Variants in MCUB observed in about 807,000 individuals in gnomAD.
The protein encoded by MCUB is calcium uniporter regulatory subunit MCUb, mitochondrial.
A neutral mutation model predicts 41.4 loss-of-function variants in MCUB; 46 were observed. The ratio of observed to expected loss-of-function variants is 1.11; its 90% CI spans 0.88 to 1.42. MCUB has a LOEUF of 1.42. Ranked by LOEUF, MCUB falls within the 40% of genes most tolerant of loss-of-function variation. MCUB has a pLI of 0.00. For missense variants in MCUB, 403 were observed against 404.9 expected (o/e 1.00, Z 0.04); for synonymous variants, 148 against 148.2 (o/e 1.00, Z 0.01).
intron 1 of MCUB, among the ~76,000 whole-genome samples, chr4:109,654,161 G>T: frequency 6.6e-6 from 1 of 151,080 alleles, no homozygotes. Flanking sequence ...TTCAAATTTT[G>T]GATTACAGAT....
intron 3 of MCUB, among the ~76,000 whole-genome samples, chr4:109,660,844 A>T (rs1024617392): frequency 6.6e-6 from 1 of 152,064 alleles, no homozygotes; most frequent in Non-Finnish European, 1.5e-5. Context: ...AAAAAAAAAA[A>T]TTTAACTTCA....
intron 1 of MCUB, among the ~76,000 whole-genome samples, chr4:109,581,797 A>G (rs1197906510): frequency 1.3e-5 from 2 of 152,380 alleles, no homozygotes; most frequent in East Asian, 1.9e-4. Context: ...ATCACTGGCC[A>G]TCAGAGAAAT....
chr4:109,629,439 CATCA>C (rs1728427779), intron 1 of MCUB, among the ~76,000 whole-genome samples: 2 of 152,142 alleles, frequency 1.3e-5, no homozygotes, highest in South Asian at 4.1e-4. Flanking sequence ...CACCACCAGC[CATCA>C]ATCAGTTAAT....
chr4:109,594,472 A>G (rs1236297961), intron 1 of MCUB, among the ~76,000 whole-genome samples: 1 of 152,176 alleles, frequency 6.6e-6, no homozygotes, highest in African/African-American at 2.4e-5. Context: ...CCTGGCCAAT[A>G]TGGTGAAACC....
At chr4:109,597,594 C>T (rs1421671717) in intron 1 of MCUB, among the ~76,000 whole-genome samples, 12 of 133,724 alleles carry the variant, frequency 9.0e-5, no homozygotes, top group South Asian at 4.8e-4. Flanking sequence ...CGGGCAGAGG[C>T]GCCCCTCACC....
rs149127194 is a variant in MCUB, at chr4:109,660,301, T to G, written c.282T>G (p.Gly94=). The G allele has an allele frequency of 7.6e-5, 122 of 1,608,446 alleles. No individual in the cohort carries two copies. The African/African-American group carries it at 1.3e-3, about 17-fold the overall frequency. Residue 94 remains glycine (G), a synonymous_variant, in exon 3 of 8, where the codon GGT becomes GGG. Coordinates refer to ENST00000394650, the MANE Select transcript of MCUB (RefSeq NM_017918.5). ...TCAAACCAATGTTGTCAACAGTTGG[T>G]TCATTCCTTCAGGACCTACAAAATG... ...FVVKPMLSTV[G]SFLQDLQNED...
chr4:109,597,404 CGGGG>C (rs1727588034), intron 1 of MCUB, among the ~76,000 whole-genome samples: 1 of 125,670 alleles, frequency 8.0e-6, no homozygotes, highest in African/African-American at 2.9e-5. Context: ...GCTGGCCGGG[CGGGG>C]GGCTGACCCC....
chr4:109,580,341 C>T (rs532897463), intron 1 of MCUB, among the ~76,000 whole-genome samples: 20 of 152,194 alleles, frequency 1.3e-4, no homozygotes, highest in Middle Eastern at 3.4e-3. Context: ...AATAAACATA[C>T]GTGTGCATGT....
At chr4:109,571,857 T>C (rs1726923543) in intron 1 of MCUB, among the ~76,000 whole-genome samples, 1 of 152,228 alleles carries the variant, frequency 6.6e-6, no homozygotes, top group Non-Finnish European at 1.5e-5. Flanking sequence ...TTATTGAATA[T>C]GTCACATGGT....
chr4:109,577,712 G>A (rs1172776638), intron 1 of MCUB, among the ~76,000 whole-genome samples: 1 of 52,576 alleles, frequency 1.9e-5, no homozygotes, highest in African/African-American at 6.7e-5. Context: ...CGGGGTTCAC[G>A]CCATTCTCCT....
intron 4 of MCUB, among the ~76,000 whole-genome samples, chr4:109,679,921 C>T (rs1467552482): frequency 6.6e-6 from 1 of 152,132 alleles, no homozygotes; most frequent in African/African-American, 2.4e-5. Flanking sequence ...CCTGCCTCAG[C>T]CTCCTGAGTA....
chr4:109,597,604 C>T (rs1202255341), intron 1 of MCUB, among the ~76,000 whole-genome samples: 1 of 144,108 alleles, frequency 6.9e-6, no homozygotes, highest in Non-Finnish European at 1.5e-5. Flanking sequence ...CGCCCCTCAC[C>T]TCCCGGATGG....
Position 109,637,376 on chromosome 4 carries a change from GGA to G in MCUB, c.100-21634_100-21633del, listed in dbSNP as rs542554816. 5.0e-3 allele frequency among the ~76,000 whole-genome samples: 761 copies of G among 152,210 alleles called. 4 individuals carry two copies. Among genetic ancestry groups the G allele is most frequent in the Non-Finnish European group, 8.6e-3 (583 of 68,006 alleles). On this transcript the variant is annotated intron_variant, in intron 1 of 7. Transcript: ENST00000394650. ...CAGTAAAATTAGCTGAATTAATTGA[GGA>G]CTAAATGACTTTATACAAGTATCTA...
At chr4:109,643,207 A>T (rs1287812769) in intron 1 of MCUB, among the ~76,000 whole-genome samples, 1 of 151,600 alleles carries the variant, frequency 6.6e-6, no homozygotes, top group East Asian at 1.9e-4. Context: ...TTTATTTTTG[A>T]GATGGAGTTT....
At chr4:109,663,803 TCTCATGCTGGAAGTGG>T (rs1228428650) in intron 3 of MCUB, among the ~76,000 whole-genome samples, 2 of 152,164 alleles carry the variant, frequency 1.3e-5, no homozygotes. Context: ...GTCAACAGGC[TCTCATGCTGGAAGTGG>T]CAGAAGACAG....
intron 1 of MCUB, among the ~76,000 whole-genome samples, chr4:109,630,967 C>T (rs1290197975): frequency 6.6e-6 from 1 of 152,168 alleles, no homozygotes; most frequent in African/African-American, 2.4e-5. Flanking sequence ...TTTGAAGAGT[C>T]CCTGAGCTTC....
chr4:109,645,271 T>C (rs1728808880), intron 1 of MCUB, among the ~76,000 whole-genome samples: 2 of 152,094 alleles, frequency 1.3e-5, no homozygotes, highest in Non-Finnish European at 2.9e-5. Context: ...ACAACTGAAC[T>C]GTCACTAAGG....
At chr4:109,604,515 C>A (rs377520283) in intron 1 of MCUB, among the ~76,000 whole-genome samples, 1 of 152,072 alleles carries the variant, frequency 6.6e-6, no homozygotes, top group African/African-American at 2.4e-5. Context: ...TTATTTCATT[C>A]TCTGGTCTGA....
At chr4:109,612,668 ATTGGGAG>A (rs1179189449) in intron 1 of MCUB, among the ~76,000 whole-genome samples, 1 of 152,144 alleles carries the variant, frequency 6.6e-6, no homozygotes, top group African/African-American at 2.4e-5. Flanking sequence ...ATACCAGTAT[ATTGGGAG>A]TTAGGGCTGT....
Sources: allele counts gnomAD v4.1 joint callset (sites outside exome capture counted in the v4.1 genomes callset), GRCh38; gene constraint gnomAD v4.1.1; transcripts MANE v1.5; gene names NCBI Gene and HGNC (gene_info 2026-07-23, HGNC 2026-07-21).